The following FN1 variants were observed in gnomAD, a reference collection of about 807,000 sequenced individuals.
FN1 encodes the protein fibronectin 1.
FN1 carries 106 observed loss-of-function variants against 297.3 expected under a neutral mutation model. The ratio of observed to expected loss-of-function variants is 0.36; its 90% CI spans 0.30 to 0.42. The LOEUF is 0.42. Among genes scored for constraint, FN1 ranks in the 10% least tolerant of loss-of-function variants. The pLI is 1.00. For synonymous variants in FN1, 1,149 were observed against 1,152.6 expected, an observed-to-expected ratio of 1.00 and a Z score of 0.06; for missense variants, 2,690 against 3,124.9, an observed-to-expected ratio of 0.86 and a Z score of 3.32.
At chr2:215,381,482 GTTTTT>G (rs964578514) in intron 32 of FN1, 9 of 303,040 alleles carry the variant, frequency 3.0e-5, no homozygotes, top group African/African-American at 4.5e-5. Context: ...GTTTTGTTTT[GTTTTT>G]TTTTGAGATG....
At chr2:215,396,179 G>T (rs2060290812) in intron 23 of FN1, among the ~76,000 whole-genome samples, 1 of 152,110 alleles carries the variant, frequency 6.6e-6, no homozygotes, top group Non-Finnish European at 1.5e-5. Flanking sequence ...AGTAAAATTA[G>T]AAATAGCTAA....
Position 215,404,669 on chromosome 2 carries a change from T to C in FN1, c.2987-14A>G. The stretch of plus-strand genomic sequence containing the variant: ...GAGCATCCAGTTCTAGGAAAAAAGA[T>C]GAAACATGCCAAGAAATATTTAGAT... On this transcript the variant is annotated splice_polypyrimidine_tract_variant and intron_variant, in intron 19 of 45. Transcript: ENST00000354785. The C allele has an allele frequency of 6.2e-7, 1 of 1,610,362 alleles. No individual in the cohort carries two copies. The highest frequency in any genetic ancestry group is 8.5e-7 in the Non-Finnish European group (1 of 1,176,600).
chr2:215,381,036 C>G lies in FN1; in HGVS notation c.5209G>C (p.Asp1737His), dbSNP rs762429904. The stretch of plus-strand genomic sequence containing the variant: ...CTTTCCCAAGCAATTTTGATGGAAT[C>G]GACATCCACATCAGTGAATGCCAGT... ...KGLAFTDVDV[D>H]SIKIAWESPQ... Residue 1737 changes from aspartate (D) to histidine (H), a missense_variant, in exon 33 of 46, where the codon GAT (aspartate) becomes CAT (histidine). Asp to His is a moderately conservative substitution (Grantham distance 81). Around this residue, in one of 3 missense-constraint regions of FN1, gnomAD observed 1,743 missense variants for 1,945.2 expected, o/e 0.90. Coordinates refer to ENST00000354785, the MANE Select transcript of FN1 (RefSeq NM_212482.4). 6.2e-7 allele frequency: 1 copy of G among 1,614,036 alleles called. No individual in the cohort carries two copies. The highest frequency in any genetic ancestry group is 1.3e-5 in the African/African-American group (1 of 74,918).
At chr2:215,419,515 A>G (rs748506538) in intron 11 of FN1, 130 bp from the exon 12 acceptor site, 53 of 806,628 alleles carry the variant, frequency 6.6e-5, no homozygotes, top group Non-Finnish European at 1.1e-4. Flanking sequence ...TATGCAGTTA[A>G]AAAAATATTT....
rs560710777 is a variant in FN1 at position 215,427,815 on chromosome 2, C to T, written c.844+365G>A. Among the ~76,000 whole-genome samples, 32 of 152,182 alleles carry T rather than the reference C, an allele frequency of 2.1e-4. No homozygotes were observed. In the South Asian group the frequency reaches 6.6e-3, roughly 32 times the overall value. ...CAGGTAGTCATATAATTAATTATAA[C>T]TCTCATTTCCTTTCAAATGAACTTT... On this transcript the variant is annotated intron_variant, in intron 6 of 45. Transcript: ENST00000354785.
rs377315833 is a variant in FN1, at chr2:215,370,540, C to CAAAAAAAA, written c.6715-109_6715-108insTTTTTTTT. On this transcript the variant is annotated intron_variant, in intron 40 of 45. Coordinates refer to ENST00000354785, the MANE Select transcript of FN1 (RefSeq NM_212482.4). ...ACTGTTTAAACAAAGCAAAGGAAGACAAAAAACAAAAAACAAAAAAAAAAA... is the reference window on the plus strand; with the variant it reads ...ACTGTTTAAACAAAGCAAAGGAAGACAAAAAAAAAAAAAACAAAAAACAAAAAAAAAAA... 30 of 304,938 alleles carry CAAAAAAAA rather than the reference C, an allele frequency of 9.8e-5. 3 individuals are homozygous for CAAAAAAAA. Among genetic ancestry groups the CAAAAAAAA allele is most frequent in the African/African-American group, 7.7e-4 (21 of 27,308 alleles). 18.9% of individuals were successfully genotyped at this position (304,938 alleles called of 1,614,324 possible).
intron 15 of FN1, among the ~76,000 whole-genome samples, chr2:215,409,148 C>A (rs1026224515): frequency 6.6e-6 from 1 of 152,050 alleles, no homozygotes; most frequent in Non-Finnish European, 1.5e-5. Flanking sequence ...ATTCACTGAA[C>A]TCAGTGCTTA....
At chr2:215,365,966 A>ATTTTTTTTTTTTTT (rs559516647) in intron 42 of FN1, among the ~76,000 whole-genome samples, 379 of 90,312 alleles carry the variant, frequency 4.2e-3, no homozygotes, top group Non-Finnish European at 5.0e-3. Context: ...CCACAGTGCT[A>ATTTTTTTTTTTTTT]TTTTTTTTTT....
intron 2 of FN1, 146 bp from the exon 3 acceptor site, chr2:215,433,607 T>C: frequency 1.2e-6 from 1 of 834,468 alleles, no homozygotes; most frequent in East Asian, 2.7e-5. Flanking sequence ...GAGATACAGA[T>C]TTTTATCCTA....
Position 215,407,958 on chromosome 2 carries a change from AC to A in FN1, c.2518+149del. On this transcript the variant is annotated intron_variant, in intron 17 of 45. Transcript: ENST00000354785. The stretch of plus-strand genomic sequence containing the variant: ...AAAATAACTCCCCCACCCCCGCCAC[AC>A]ACACACACACACACACACACAAACC... 1.6e-3 allele frequency: 143 copies of A among 92,220 alleles called. No individual in the cohort carries two copies. In the East Asian group the frequency reaches 0.052, roughly 34 times the overall value. The allele number at this position is 92,220 out of a possible 1,614,324, so 5.7% of individuals were successfully genotyped here.
intron 12 of FN1, among the ~76,000 whole-genome samples, chr2:215,416,397 C>T (rs1039161089): frequency 2.0e-5 from 3 of 152,116 alleles, no homozygotes; most frequent in Non-Finnish European, 4.4e-5. Flanking sequence ...CAATTCCATG[C>T]CTATCTTTGA....
chr2:215,428,197 A>G lies in FN1; in HGVS notation c.827T>C (p.Val276Ala), dbSNP rs934950712. The G allele has an allele frequency of 2.1e-5, 34 of 1,614,030 alleles. No homozygotes were observed. Among genetic ancestry groups the G allele is most frequent in the Non-Finnish European group, 2.8e-5 (33 of 1,180,048 alleles). Residue 276 changes from valine (V) to alanine (A), a missense_variant, in exon 6 of 46, where the codon GTG (valine) becomes GCG (alanine). Val to Ala is a moderately conservative substitution (Grantham distance 64). Transcript: ENST00000354785. ...GEWKCERHTS[V>A]QTTSSGSGPF... Reference sequence around the variant, plus strand: ...TGCCTCACCGCTCGATGTGGTCTGCACAGAGGTGTGCCTCTCACACTTCCA... The same window carrying G: ...TGCCTCACCGCTCGATGTGGTCTGCGCAGAGGTGTGCCTCTCACACTTCCA...
rs766509308 is a variant in FN1, at chr2:215,375,700, T to C, written c.5906A>G (p.Asp1969Gly). 1 of 1,611,320 alleles carries C rather than the reference T, an allele frequency of 6.2e-7. No homozygotes were observed. The highest frequency in any genetic ancestry group is 2.2e-5 in the East Asian group (1 of 44,870). Residue 1969 changes from aspartate (D) to glycine (G), a missense_variant, in exon 37 of 46, where the codon GAC becomes GGC. Around this residue, in one of 3 missense-constraint regions of FN1, gnomAD observed 1,743 missense variants for 1,945.2 expected, o/e 0.90. Coordinates refer to ENST00000354785, the MANE Select transcript of FN1 (RefSeq NM_212482.4). ...YTITGLQPGT[D>G]YKIYLYTLND... is the part of the protein sequence containing the mutation. The stretch of plus-strand genomic sequence containing the variant: ...CAAGGTGTACAGGTAGATCTTGTAG[T>C]CAGTGCCTGGTTGTAAACCTGGGAT...
chr2:215,390,847 T>A (rs941341057), intron 26 of FN1, among the ~76,000 whole-genome samples: 3 of 152,244 alleles, frequency 2.0e-5, no homozygotes, highest in African/African-American at 7.2e-5. Context: ...TTCAGACTAA[T>A]ACTTGGTAAT....
chr2:215,389,836 C>A (rs1406414487), intron 26 of FN1, among the ~76,000 whole-genome samples: 19 of 152,138 alleles, frequency 1.2e-4, no homozygotes, highest in African/African-American at 4.6e-4. Flanking sequence ...GATGGTAGAG[C>A]CTTTGACACA....
intron 20 of FN1, among the ~76,000 whole-genome samples, chr2:215,400,082 G>A (rs944082639): frequency 2.0e-5 from 3 of 151,914 alleles, no homozygotes; most frequent in African/African-American, 7.3e-5. Context: ...CAGCTTCTTG[G>A]GAGGCTGAGA....
intron 20 of FN1, among the ~76,000 whole-genome samples, chr2:215,403,476 A>T (rs2061388922): frequency 1.3e-5 from 2 of 152,194 alleles, no homozygotes; most frequent in South Asian, 4.1e-4. Context: ...AAAATTGCAA[A>T]CTAGTCCATG....
chr2:215,399,474 CAT>C lies in FN1; in HGVS notation c.3254-125_3254-124del, dbSNP rs538904294. 2.2e-3 allele frequency: 1,536 copies of C among 699,280 alleles called. 28 individuals are homozygous for C. The highest frequency in any genetic ancestry group is 0.017 in the South Asian group (1,108 of 65,178). The allele number at this position is 699,280 out of a possible 1,614,324, so 43.3% of individuals were successfully genotyped here. On this transcript the variant is annotated intron_variant, in intron 20 of 45. Transcript: ENST00000354785. Reference sequence around the variant, plus strand: ...ACCAAGCAGTGGATAGAGGATGTAACATATTTTTTCATTGGGTGAGAATTGGG... The same window carrying C: ...ACCAAGCAGTGGATAGAGGATGTAACATTTTTTCATTGGGTGAGAATTGGG...
rs1293016452 is a variant in FN1, at chr2:215,379,312, G to A, written c.5440C>T (p.Pro1814Ser). The change falls in exon 34 of 46, where the codon CCT (proline) becomes TCT (serine). Residue 1814 changes from proline (P) to serine (S), a missense_variant. By Grantham distance (74) the Pro-to-Ser change is moderately conservative. Coordinates refer to ENST00000354785, the MANE Select transcript of FN1 (RefSeq NM_212482.4). ...GTGAACTTCAGGTCAGTTGGTGCAG[G>A]AATAGCTGTCGAGATTGTCATTGGT... ...PLIGTQSTAI[P>S]APTDLKFTQV... is the part of the protein sequence containing the mutation. The A allele has an allele frequency of 1.2e-6, 2 of 1,613,964 alleles. No individual in the cohort carries two copies. Among genetic ancestry groups the A allele is most frequent in the Non-Finnish European group, 1.7e-6 (2 of 1,179,904 alleles).
Sources: allele counts gnomAD v4.1 joint callset (sites outside exome capture counted in the v4.1 genomes callset), GRCh38; gene constraint gnomAD v4.1.1; regional missense constraint gnomAD v4.1.1; transcripts MANE v1.5; gene names NCBI Gene and HGNC (gene_info 2026-07-23, HGNC 2026-07-21).